SLC4A2: variants seen among roughly 807,000 people sequenced by gnomAD.
SLC4A2 encodes the protein solute carrier family 4 member 2.
In SLC4A2, 36 loss-of-function variants were observed where a neutral mutation model predicts 115.0. The ratio of observed to expected loss-of-function variants is 0.31; its 90% CI spans 0.24 to 0.41. The LOEUF (loss-of-function observed/expected upper bound fraction) is 0.41, where lower values mean the gene tolerates loss of function less well. SLC4A2 is among the 10% of genes least tolerant of loss of function. The probability of loss-of-function intolerance (pLI) is 1.00; values close to 1 mark genes in which losing one functional copy is unlikely to be tolerated. For missense variants in SLC4A2, 1,252 were observed against 1,705.6 expected (o/e 0.73, Z 4.68); for synonymous variants, 708 against 708.3 (o/e 1.00, Z 0.01).
intron 2 of SLC4A2, chr7:151,062,595 A>T (rs1283729110): frequency 1.3e-6 from 2 of 1,488,216 alleles, no homozygotes; most frequent in Admixed American, 2.4e-5. Context: ...GAAGGGGCAC[A>T]GGCTGGTCCC....
intron 8 of SLC4A2, among the ~76,000 whole-genome samples, chr7:151,069,519 G>A (rs1278832943): frequency 6.6e-6 from 1 of 152,212 alleles, no homozygotes; most frequent in African/African-American, 2.4e-5. Flanking sequence ...GACCAGCTGA[G>A]TTGTGTATCA....
intron 5 of SLC4A2, 27 bp downstream of exon 5, chr7:151,064,993 C>A: frequency 7.2e-7 from 1 of 1,383,704 alleles, no homozygotes; most frequent in Non-Finnish European, 1.0e-6. Context: ...CAACAGTGTC[C>A]CCAACAGACA....
In SLC4A2 at chr7:151,071,663, T is replaced by C; in HGVS notation, c.2192-26T>C. ...GACTGCCCAGGGCCTGGCCACCAGC[T>C]CCTGAGCTGGTTCCTACACCCCTAG... On this transcript the variant is annotated intron_variant, in intron 14 of 22. Coordinates refer to ENST00000413384, the MANE Select transcript of SLC4A2 (RefSeq NM_003040.4). This position sits in a 1 kb window ranked among gnomAD's most constrained non-coding sequence, Gnocchi z 5.5. 1 of 1,611,820 alleles carries C rather than the reference T, an allele frequency of 6.2e-7. No homozygotes were observed. The highest frequency in any genetic ancestry group is 8.5e-7 in the Non-Finnish European group (1 of 1,178,782).
rs757497638 is a variant in SLC4A2, at chr7:151,071,466, G to T, written c.2052G>T (p.Gly684=). The T allele has an allele frequency of 1.9e-6, 3 of 1,610,666 alleles. No individual in the cohort carries two copies. The highest frequency in any genetic ancestry group is 2.2e-5 in the South Asian group (2 of 91,044). The change falls in exon 14 of 23, where the codon GGG becomes GGT. Residue 684 remains glycine, a synonymous_variant. Coordinates refer to ENST00000413384, the MANE Select transcript of SLC4A2 (RefSeq NM_003040.4). This position sits in a 1 kb window ranked among gnomAD's most constrained non-coding sequence, Gnocchi z 5.5. ...GGCGGACGGGGCGGCCCTTTGGGGG[G>T]CTGATCCGAGATGTGCGGCGCCGCT... The part of the protein sequence containing the change: ...PLRRTGRPFG[G]LIRDVRRRYP...
At position 151,071,474 on chromosome 7, in the gene SLC4A2, G is replaced by A. The variant is rs1045185976; in HGVS notation, c.2060G>A (p.Arg687Gln). 11 of 1,612,030 alleles carry A rather than the reference G, an allele frequency of 6.8e-6. No individual in the cohort carries two copies. In the East Asian group the frequency reaches 1.3e-4, roughly 20 times the overall value. ...GGGCGGCCCTTTGGGGGGCTGATCC[G>A]AGATGTGCGGCGCCGCTATCCCCAC... is the stretch of plus-strand genomic sequence containing the variant. The part of the protein sequence containing the change: ...RTGRPFGGLI[R>Q]DVRRRYPHYL... The change falls in exon 14 of 23, where the codon CGA becomes CAA. Residue 687 changes from arginine (R) to glutamine (Q), a missense_variant. By Grantham distance (43) the Arg-to-Gln change is conservative. Transcript: ENST00000413384. This position sits in a 1 kb window ranked among gnomAD's most constrained non-coding sequence, Gnocchi z 5.5.
chr7:151,063,134 C>A (rs1188017712), intron 2 of SLC4A2: 1 of 1,509,302 alleles, frequency 6.6e-7, no homozygotes, highest in Non-Finnish European at 8.8e-7. Flanking sequence ...ACAAGCGCCG[C>A]ATTCCCTGCC....
At chr7:151,062,198 G>A (rs141413890) in intron 2 of SLC4A2, among the ~76,000 whole-genome samples, 160 bp downstream of exon 2, 2 of 152,138 alleles carry the variant, frequency 1.3e-5, no homozygotes, top group African/African-American at 2.4e-5. Flanking sequence ...ATGGTCGTAG[G>A]GGGGGATGGG....
Position 151,076,092 on chromosome 7 carries a change from C to G in SLC4A2, c.3551C>G (p.Ala1184Gly), listed in dbSNP as rs1263590035. Residue 1184 changes from alanine to glycine, a missense_variant, in exon 22 of 23, where the codon GCT (alanine) becomes GGT (glycine). By Grantham distance (60) the Ala-to-Gly change is moderately conservative. Transcript: ENST00000413384. Reference sequence around the variant, plus strand: ...CTGCTCTGGGCCGTCATGTCCACAGCTGCCTCCCTGGCCTTCCCCTTCATC... The same window carrying G: ...CTGCTCTGGGCCGTCATGTCCACAGGTGCCTCCCTGGCCTTCCCCTTCATC... ...LALLWAVMST[A>G]ASLAFPFILI... The G allele has an allele frequency of 6.8e-6, 11 of 1,611,124 alleles. No homozygotes were observed. Among genetic ancestry groups the G allele is most frequent in the Non-Finnish European group, 9.3e-6 (11 of 1,179,994 alleles).
chr7:151,064,157 T>G (rs758232641), intron 2 of SLC4A2, 45 bp from the exon 3 acceptor site: 1 of 1,596,230 alleles, frequency 6.3e-7, no homozygotes, highest in Non-Finnish European at 8.6e-7. Flanking sequence ...GGGGTACAAT[T>G]CCCAGTGAGC....
rs746556464 is a variant in SLC4A2 at position 151,074,365 on chromosome 7, G to T, written c.2791-34G>T. Reference sequence around the variant, plus strand: ...GTGGCAGGAAGTCAGCGGCTGTGGTGGCAGGACTCTGAGCGCTGTGCCTGC... The same window carrying T: ...GTGGCAGGAAGTCAGCGGCTGTGGTTGCAGGACTCTGAGCGCTGTGCCTGC... On this transcript the variant is annotated intron_variant, in intron 17 of 22. Transcript: ENST00000413384. The T allele has an allele frequency of 9.3e-6, 15 of 1,612,460 alleles. No homozygotes were observed. The South Asian group carries it at 1.3e-4, about 14-fold the overall frequency.
chr7:151,069,158 A>AAAAAAAAAAAAAAAAAAAAC (rs1324633255), intron 8 of SLC4A2, among the ~76,000 whole-genome samples: 1 of 148,390 alleles, frequency 6.7e-6, no homozygotes, highest in East Asian at 2.0e-4. Context: ...AAAAAAAAAA[A>AAAAAAAAAAAAAAAAAAAAC]AGCAGCTGAG....
chr7:151,073,889 T>A (rs1797526390), intron 16 of SLC4A2, 150 bp from the exon 17 acceptor site: 1 of 831,154 alleles, frequency 1.2e-6, no homozygotes, highest in Non-Finnish European at 1.9e-6. Context: ...CAGCTGGTTC[T>A]CTGGGTCATT....
In SLC4A2 at chr7:151,075,602, G is replaced by A. The variant is rs562448882; in HGVS notation, c.3302-4G>A. The A allele has an allele frequency of 1.6e-5, 26 of 1,590,124 alleles. No homozygotes were observed. Among genetic ancestry groups the A allele is most frequent in the African/African-American group, 5.4e-5 (4 of 74,416 alleles). ...GCCAACTCTTTCTCCTGCGCCTCCC[G>A]TAGGCCTCTCCATAGTTATCGGGGA... On this transcript the variant is annotated splice_polypyrimidine_tract_variant and splice_region_variant and intron_variant, in intron 20 of 22. Transcript: ENST00000413384.
At chr7:151,075,797 C>G in intron 21 of SLC4A2, 22 bp downstream of exon 21, 15 of 1,592,446 alleles carry the variant, frequency 9.4e-6, no homozygotes, top group Non-Finnish European at 1.2e-5. Flanking sequence ...AGCTCCCCAC[C>G]GGAAGGGGTG....
chr7:151,071,756 C>T lies in SLC4A2; in HGVS notation c.2259C>T (p.Val753=). Residue 753 remains valine, a synonymous_variant, in exon 15 of 23, where the codon GTC becomes GTT. Coordinates refer to ENST00000413384, the MANE Select transcript of SLC4A2 (RefSeq NM_003040.4). The surrounding 1 kb of genome is among the most constrained non-coding windows in gnomAD (Gnocchi z 5.5). The part of the protein sequence containing the change: ...LIMSTALQGV[V]FCLLGAQPLL... Reference sequence around the variant, plus strand: ...TGTCCACAGCGCTCCAGGGCGTGGTCTTCTGCCTGCTGGGTGCCCAGCCCC... The same window carrying T: ...TGTCCACAGCGCTCCAGGGCGTGGTTTTCTGCCTGCTGGGTGCCCAGCCCC... 6.2e-7 allele frequency: 1 copy of T among 1,612,928 alleles called. No homozygotes were observed. Among genetic ancestry groups the T allele is most frequent in the East Asian group, 2.2e-5 (1 of 44,856 alleles).
rs1435387178 is a variant in SLC4A2, at chr7:151,060,603, G to A, written c.-64+841G>A. ...GTTCTGGGACAGCAGGGGAGGGGGT[G>A]CAGAGGAGTGTGGAGGAGCGCGACG... On this transcript the variant is annotated intron_variant, in intron 1 of 22. Coordinates refer to ENST00000413384, the MANE Select transcript of SLC4A2 (RefSeq NM_003040.4). This position sits in a 1 kb window ranked among gnomAD's most constrained non-coding sequence, Gnocchi z 5.9. Among the ~76,000 whole-genome samples, 1 of 152,182 alleles carries A rather than the reference G, an allele frequency of 6.6e-6. No homozygotes were observed. Among genetic ancestry groups the A allele is most frequent in the African/African-American group, 2.4e-5 (1 of 41,426 alleles).
chr7:151,064,605 C>A lies in SLC4A2; in HGVS notation c.297C>A (p.Pro99=), dbSNP rs1286901369. The change falls in exon 4 of 23, where the codon CCC becomes CCA. Residue 99 remains proline (P), a synonymous_variant. Transcript: ENST00000413384. ...CGGATGCACGCCGCCGCAAGACACCCCAGGGCCCAGGACGGAAGCCTCGAA... is the reference window on the plus strand; with the variant it reads ...CGGATGCACGCCGCCGCAAGACACCACAGGGCCCAGGACGGAAGCCTCGAA... The part of the protein sequence containing the change: ...LPPDARRRKT[P]QGPGRKPRRR... 2 of 1,613,434 alleles carry A rather than the reference C, an allele frequency of 1.2e-6. No homozygotes were observed. The highest frequency in any genetic ancestry group is 2.7e-5 in the African/African-American group (2 of 75,014).
intron 8 of SLC4A2, among the ~76,000 whole-genome samples, chr7:151,068,292 T>C (rs1797307706): frequency 6.6e-6 from 1 of 152,236 alleles, no homozygotes; most frequent in Admixed American, 6.5e-5. Flanking sequence ...GATGTAAAGC[T>C]TTCTGAAATT....
At chr7:151,073,252 C>CTTTATTTTATTTTATTTTAT (rs3062437) in intron 16 of SLC4A2, among the ~76,000 whole-genome samples, 219 of 146,408 alleles carry the variant, frequency 1.5e-3, no homozygotes, top group East Asian at 0.012. Flanking sequence ...CCCAGTCCAT[C>CTTTATTTTATTTTATTTTAT]TTTATTTTAT....
Sources: gnomAD v4.1 joint callset for allele counts (sites outside exome capture counted in the v4.1 genomes callset) on GRCh38, gnomAD v4.1.1 for gene constraint, Gnocchi (gnomAD v3.1) non-coding constraint, MANE v1.5 for transcripts, NCBI Gene and HGNC (gene_info 2026-07-23, HGNC 2026-07-21) for gene names.